TRIM9: variants seen among roughly 807,000 people sequenced by gnomAD.
TRIM9 encodes the protein tripartite motif containing 9.
A neutral mutation model predicts 78.3 loss-of-function variants in TRIM9; 26 were observed. That is an observed-to-expected ratio of 0.33 (90% CI 0.24 to 0.46). The LOEUF (loss-of-function observed/expected upper bound fraction) is 0.46, where lower values mean the gene tolerates loss of function less well. Among genes scored for constraint, TRIM9 ranks in the 20% least tolerant of loss-of-function variants. The probability of loss-of-function intolerance (pLI) is 1.00; values close to 1 mark genes in which losing one functional copy is unlikely to be tolerated. For missense variants in TRIM9, 787 were observed against 1,036.4 expected (o/e 0.76, Z 3.30); for synonymous variants, 398 against 416.5 (o/e 0.96, Z 0.54).
chr14:51,062,242 A>G (rs1001836531), intron 1 of TRIM9, among the ~76,000 whole-genome samples: 5 of 152,060 alleles, frequency 3.3e-5, no homozygotes, highest in African/African-American at 1.2e-4. Flanking sequence ...TGCTTACTAT[A>G]TTTATTTTGA....
intron 1 of TRIM9, among the ~76,000 whole-genome samples, chr14:51,043,704 T>C (rs142979845): frequency 2.9e-4 from 44 of 152,322 alleles, no homozygotes; most frequent in African/African-American, 1.0e-3. Context: ...TCACTAATTA[T>C]ATGAATTCTT....
Position 51,053,708 on chromosome 14 carries a change from T to A in TRIM9, c.823-28348A>T, listed in dbSNP as rs979138839. Among the ~76,000 whole-genome samples, 6 of 149,928 alleles carry A rather than the reference T, an allele frequency of 4.0e-5. 1 individual carries two copies. The highest frequency in any genetic ancestry group is 1.5e-4 in the African/African-American group (6 of 39,688). On this transcript the variant is annotated intron_variant, in intron 1 of 12. Coordinates refer to ENST00000684578, the MANE Select transcript of TRIM9 (RefSeq NM_001387360.1). ...GTGCGCTGCACCCACTAACGTGTCA[T>A]CTAGCATTAGGTATATCTCCCAATG...
At chr14:51,010,964 T>C (rs1221241962) in intron 3 of TRIM9, among the ~76,000 whole-genome samples, 1 of 152,182 alleles carries the variant, frequency 6.6e-6, no homozygotes, top group Non-Finnish European at 1.5e-5. Context: ...ACCCAGTTCC[T>C]TTCCCTTCCT....
intron 1 of TRIM9, chr14:51,091,388 G>T (rs1454965269): frequency 6.6e-6 from 1 of 152,146 alleles, no homozygotes; most frequent in Non-Finnish European, 1.5e-5. Flanking sequence ...GAATATGAAT[G>T]ACAACTTTTC....
chr14:50,980,750 C>G (rs988539596), intron 11 of TRIM9, among the ~76,000 whole-genome samples: 1 of 152,226 alleles, frequency 6.6e-6, no homozygotes, highest in Non-Finnish European at 1.5e-5. Context: ...TTATCTACAT[C>G]CAGTAGGATT....
At chr14:51,048,348 T>G (rs1269287479) in intron 1 of TRIM9, among the ~76,000 whole-genome samples, 1 of 152,208 alleles carries the variant, frequency 6.6e-6, no homozygotes, top group African/African-American at 2.4e-5. Flanking sequence ...AGGAGCCACA[T>G]TCATTGTGAT....
intron 3 of TRIM9, 21 bp downstream of exon 3, chr14:51,022,814 T>C (rs530981624): frequency 1.2e-6 from 2 of 1,613,372 alleles, no homozygotes; most frequent in East Asian, 2.2e-5. Context: ...CTTTCTGCTC[T>C]TCCCATGATG....
intron 1 of TRIM9, among the ~76,000 whole-genome samples, chr14:51,047,239 T>C (rs1181277720): frequency 6.6e-6 from 1 of 152,166 alleles, no homozygotes; most frequent in Non-Finnish European, 1.5e-5. Flanking sequence ...GCAACTCCAA[T>C]GTCATCTTTC....
intron 1 of TRIM9, among the ~76,000 whole-genome samples, chr14:51,039,288 C>T (rs1371536114): frequency 2.0e-5 from 3 of 152,290 alleles, no homozygotes; most frequent in Non-Finnish European, 2.9e-5. Flanking sequence ...TAAAGTTAAA[C>T]GTATCCCAAC....
chr14:50,989,799 T>C (rs1466065953), intron 7 of TRIM9, among the ~76,000 whole-genome samples: 1 of 152,198 alleles, frequency 6.6e-6, no homozygotes, highest in Non-Finnish European at 1.5e-5. Flanking sequence ...ACTCTGTCAA[T>C]GACCATCATT....
intron 1 of TRIM9, among the ~76,000 whole-genome samples, chr14:51,066,120 G>A (rs1348187938): frequency 7.6e-6 from 1 of 130,870 alleles, no homozygotes; most frequent in Non-Finnish European, 1.6e-5. Context: ...AGGGAGGGAG[G>A]GGAGGGGAGG....
At chr14:51,022,405 C>T (rs924008478) in intron 3 of TRIM9, among the ~76,000 whole-genome samples, 28 of 152,156 alleles carry the variant, frequency 1.8e-4, no homozygotes, top group Admixed American at 4.6e-4. Flanking sequence ...GAAGCCAACA[C>T]CATGCTTTTG....
In TRIM9 at chr14:51,057,544, T is replaced by C. The variant is rs576360495; in HGVS notation, c.823-32184A>G. On this transcript the variant is annotated intron_variant, in intron 1 of 12. Transcript: ENST00000684578. ...ATACTAAATTGAAAATAATTTTTTG[T>C]CATTCAGCAATTTTCTAAAAATTTT... Among the ~76,000 whole-genome samples the C allele has an allele frequency of 4.6e-5, 7 of 152,362 alleles. No homozygotes were observed. The East Asian group carries it at 1.2e-3, about 25-fold the overall frequency.
intron 5 of TRIM9, among the ~76,000 whole-genome samples, chr14:51,005,638 T>C (rs2055682557): frequency 6.6e-6 from 1 of 152,168 alleles, no homozygotes; most frequent in Non-Finnish European, 1.5e-5. Flanking sequence ...CATACAACCT[T>C]AGAATTAAGT....
chr14:51,052,998 A>G (rs938944367), intron 1 of TRIM9, among the ~76,000 whole-genome samples: 2 of 152,080 alleles, frequency 1.3e-5, no homozygotes, highest in Admixed American at 1.3e-4. Flanking sequence ...CTCTATAAAA[A>G]TGTACAAGGA....
intron 1 of TRIM9, among the ~76,000 whole-genome samples, chr14:51,066,608 A>G (rs2061760621): frequency 6.6e-6 from 1 of 152,236 alleles, no homozygotes; most frequent in Non-Finnish European, 1.5e-5. Context: ...TTACAAATCT[A>G]GTTTAAAGAT....
At chr14:51,006,492 TTTTC>T (rs1466333210) in intron 5 of TRIM9, among the ~76,000 whole-genome samples, 1 of 152,178 alleles carries the variant, frequency 6.6e-6, no homozygotes, top group Non-Finnish European at 1.5e-5. Flanking sequence ...ACCTTTGGCT[TTTTC>T]TTTCCATCGC....
At chr14:51,003,690 T>C (rs369142112) in intron 5 of TRIM9, among the ~76,000 whole-genome samples, 103 of 151,232 alleles carry the variant, frequency 6.8e-4, no homozygotes, top group African/African-American at 2.3e-3. Context: ...GATCTTGATA[T>C]TGTCCCAGAT....
Position 51,010,357 on chromosome 14 carries a change from C to G in TRIM9, c.1152+27G>C, listed in dbSNP as rs765182315. 4 of 1,562,250 alleles carry G rather than the reference C, an allele frequency of 2.6e-6. No homozygotes were observed. The Admixed American group carries it at 6.7e-5, about 26-fold the overall frequency. ...CTATGTCCTATGGGACATTTAGAATCTGACGCAGAAACTAGTTAACTCTTA... is the reference window on the plus strand; with the variant it reads ...CTATGTCCTATGGGACATTTAGAATGTGACGCAGAAACTAGTTAACTCTTA... On this transcript the variant is annotated intron_variant, in intron 4 of 12. Transcript: ENST00000684578.
Sources: gnomAD v4.1 joint callset for allele counts (sites outside exome capture counted in the v4.1 genomes callset) on GRCh38, gnomAD v4.1.1 for gene constraint, MANE v1.5 for transcripts, NCBI Gene and HGNC (gene_info 2026-07-23, HGNC 2026-07-21) for gene names.